The following MCHR2 variants were observed in gnomAD, a reference collection of about 807,000 sequenced individuals.
The protein encoded by MCHR2 is melanin concentrating hormone receptor 2.
In MCHR2, 15 loss-of-function variants were observed where a neutral mutation model predicts 24.8. The observed-to-expected ratio is 0.60, with a 90% confidence interval of 0.40 to 0.93. MCHR2 has a LOEUF of 0.93. MCHR2 is among the 40% of genes least tolerant of loss of function. MCHR2 has a pLI of 0.00. For missense variants in MCHR2, 386 were observed against 408.7 expected, an observed-to-expected ratio of 0.94 and a Z score of 0.48; for synonymous variants, 151 against 147.6, an observed-to-expected ratio of 1.02 and a Z score of -0.17.
chr6:99,947,274 T>G (rs1774888624), intron 3 of MCHR2, among the ~76,000 whole-genome samples: 1 of 152,218 alleles, frequency 6.6e-6, no homozygotes, highest in Non-Finnish European at 1.5e-5. Context: ...TTTACTCCAC[T>G]GATTCCTTAG....
At chr6:99,961,467 T>C (rs1775186308) in intron 1 of MCHR2, among the ~76,000 whole-genome samples, 2 of 152,116 alleles carry the variant, frequency 1.3e-5, no homozygotes, top group African/African-American at 2.4e-5. Flanking sequence ...CAAATGTCCA[T>C]CAAGGATAGA....
intron 1 of MCHR2, among the ~76,000 whole-genome samples, chr6:99,961,466 A>G (rs954126751): frequency 5.3e-5 from 8 of 152,336 alleles, no homozygotes; most frequent in African/African-American, 1.4e-4. Flanking sequence ...CCAAATGTCC[A>G]TCAAGGATAG....
chr6:99,957,182 C>G (rs563400482), intron 1 of MCHR2, among the ~76,000 whole-genome samples: 7 of 152,192 alleles, frequency 4.6e-5, no homozygotes, highest in African/African-American at 1.7e-4. Context: ...AGAGAAAAAT[C>G]AGGGTCCAGG....
chr6:99,993,904 C>CG (rs1775937444), intron 1 of MCHR2, 32 bp downstream of exon 1: 1 of 151,926 alleles, frequency 6.6e-6, no homozygotes, highest in Non-Finnish European at 1.5e-5. Context: ...CGCCAGAGCC[C>CG]GGCCCTCGCG....
intron 2 of MCHR2, among the ~76,000 whole-genome samples, chr6:99,952,352 C>A (rs1774981107): frequency 6.6e-6 from 1 of 152,116 alleles, no homozygotes; most frequent in African/African-American, 2.4e-5. Context: ...GAAGCTCCAT[C>A]TTCCTTAAAC....
chr6:99,993,668 CTG>C (rs1165181128), intron 1 of MCHR2, among the ~76,000 whole-genome samples: 8 of 152,140 alleles, frequency 5.3e-5, no homozygotes, highest in Non-Finnish European at 1.0e-4. Flanking sequence ...CTTTTCCCAC[CTG>C]TGTTTCCATT....
Position 99,919,396 on chromosome 6 carries a change from G to C in MCHR2, c.*1544C>G, listed in dbSNP as rs1226595067. Among the ~76,000 whole-genome samples, 2 of 152,166 alleles carry C rather than the reference G, an allele frequency of 1.3e-5. No individual in the cohort carries two copies. Among genetic ancestry groups the C allele is most frequent in the African/African-American group, 4.8e-5 (2 of 41,444 alleles). On this transcript the variant is annotated 3_prime_UTR_variant, in exon 6 of 6. Coordinates refer to ENST00000281806, the MANE Select transcript of MCHR2 (RefSeq NM_001040179.2). ...CCAAACACAATTGAAATATAAAAAT[G>C]GAGATCAGATATAAAAATGGTTAAC...
chr6:99,926,483 C>T (rs1212868118), intron 5 of MCHR2, among the ~76,000 whole-genome samples: 1 of 152,108 alleles, frequency 6.6e-6, no homozygotes, highest in African/African-American at 2.4e-5. Flanking sequence ...TCTCCACATC[C>T]TCTCCAGCAC....
At chr6:99,975,513 T>C (rs143481087) in intron 1 of MCHR2, among the ~76,000 whole-genome samples, 3,004 of 152,302 alleles carry the variant, frequency 0.02, 87 homozygotes, top group East Asian at 0.11. Context: ...CCTGACCCCT[T>C]GCGCTTCCCA....
chr6:99,981,513 A>G (rs1582410862), intron 1 of MCHR2, among the ~76,000 whole-genome samples: 1 of 152,152 alleles, frequency 6.6e-6, no homozygotes, highest in Admixed American at 6.5e-5. Context: ...TTGGGACTGA[A>G]TCCAGGTTCT....
At chr6:99,953,523 T>C (rs1478611687) in intron 2 of MCHR2, among the ~76,000 whole-genome samples, 1 of 152,130 alleles carries the variant, frequency 6.6e-6, no homozygotes, top group Non-Finnish European at 1.5e-5. Context: ...GAAGCTCCCT[T>C]AGAATATTGA....
chr6:99,979,381 T>G, intron 1 of MCHR2, among the ~76,000 whole-genome samples: 1 of 152,164 alleles, frequency 6.6e-6, no homozygotes, highest in East Asian at 1.9e-4. Context: ...ACAGTATGCA[T>G]GTTCCACTGA....
At chr6:99,973,570 G>A (rs1199698954) in intron 1 of MCHR2, among the ~76,000 whole-genome samples, 5 of 152,156 alleles carry the variant, frequency 3.3e-5, no homozygotes, top group African/African-American at 1.2e-4. Context: ...TACATTTAAA[G>A]TTAATATTGT....
intron 5 of MCHR2, among the ~76,000 whole-genome samples, chr6:99,925,872 T>C (rs1371080363): frequency 6.6e-6 from 1 of 151,640 alleles, no homozygotes; most frequent in Non-Finnish European, 1.5e-5. Context: ...TTAGGGTACA[T>C]GTGCACAATG....
intron 2 of MCHR2, among the ~76,000 whole-genome samples, chr6:99,954,612 A>C (rs1272558976): frequency 6.6e-6 from 1 of 152,144 alleles, no homozygotes; most frequent in Admixed American, 6.5e-5. Flanking sequence ...TGGGCTGCTT[A>C]GTTCCCCTGA....
rs200286318 is a variant in MCHR2 at position 99,920,183 on chromosome 6, T to G, written c.*757A>C. The G allele has an allele frequency of 6.6e-6, 1 of 152,204 alleles. No individual in the cohort carries two copies. Among genetic ancestry groups the G allele is most frequent in the Non-Finnish European group, 1.5e-5 (1 of 68,040 alleles). The allele number at this position is 152,204 out of a possible 1,614,324, so 9.4% of individuals were successfully genotyped here. On this transcript the variant is annotated 3_prime_UTR_variant, in exon 6 of 6. Transcript: ENST00000281806. ...CTATCAGACTTTAGTTCTCCTCTTGTAGGGCTACAGGAGAAAGCAAAAGAA... is the reference window on the plus strand; with the variant it reads ...CTATCAGACTTTAGTTCTCCTCTTGGAGGGCTACAGGAGAAAGCAAAAGAA...
At chr6:99,959,821 C>CAAT (rs1037489400) in intron 1 of MCHR2, among the ~76,000 whole-genome samples, 1 of 145,212 alleles carries the variant, frequency 6.9e-6, no homozygotes, top group Non-Finnish European at 1.5e-5. Flanking sequence ...TAAAAAGAAA[C>CAAT]AATAATAATA....
chr6:99,926,374 A>G lies in MCHR2; in HGVS notation c.708-5119T>C, dbSNP rs1046403611. On this transcript the variant is annotated intron_variant, in intron 5 of 5. Transcript: ENST00000281806. The stretch of plus-strand genomic sequence containing the variant: ...CAGTAATGGGATGGCTGGGTCAAAT[A>G]GTATTTCTAGTTGTAGATCCCTGAG... Among the ~76,000 whole-genome samples, 56 of 152,216 alleles carry G rather than the reference A, an allele frequency of 3.7e-4. No homozygotes were observed. In the South Asian group the frequency reaches 8.1e-3, roughly 22 times the overall value.
At chr6:99,930,693 C>A (rs1359824521) in intron 5 of MCHR2, among the ~76,000 whole-genome samples, 1 of 152,174 alleles carries the variant, frequency 6.6e-6, no homozygotes, top group Non-Finnish European at 1.5e-5. Flanking sequence ...GCTCCATCAG[C>A]TCCTTTAAGC....
Sources: gnomAD v4.1 joint callset for allele counts (sites outside exome capture counted in the v4.1 genomes callset) on GRCh38, gnomAD v4.1.1 for gene constraint, MANE v1.5 for transcripts, NCBI Gene and HGNC (gene_info 2026-07-23, HGNC 2026-07-21) for gene names.